SOX6: variants seen among roughly 807,000 people sequenced by gnomAD.
SOX6 encodes the protein transcription factor SOX-6.
SOX6 carries 11 observed loss-of-function variants against 97.8 expected under a neutral mutation model. That is an observed-to-expected ratio of 0.11 (90% confidence interval 0.07 to 0.19). The LOEUF (loss-of-function observed/expected upper bound fraction) is 0.19. SOX6 is among the 10% of genes least tolerant of loss of function. SOX6 has a pLI of 1.00. For missense variants in SOX6, 810 were observed against 1,039.5 expected (o/e 0.78, Z 3.04); for synonymous variants, 360 against 371.4 (o/e 0.97, Z 0.35).
intron 2 of SOX6, among the ~76,000 whole-genome samples, chr11:16,726,904 T>C (rs1848310428): frequency 6.6e-6 from 1 of 152,222 alleles, no homozygotes; most frequent in South Asian, 2.1e-4. Flanking sequence ...TACTAAGTGA[T>C]TTTATTTCCT....
At chr11:16,328,211 G>T (rs920482020) in intron 2 of SOX6, among the ~76,000 whole-genome samples, 1 of 151,962 alleles carries the variant, frequency 6.6e-6, no homozygotes, top group Non-Finnish European at 1.5e-5. Flanking sequence ...CCCTAAAATA[G>T]GTCCAAATAT....
intron 12 of SOX6, among the ~76,000 whole-genome samples, chr11:16,016,625 G>A (rs534858956): frequency 2.0e-5 from 3 of 152,154 alleles, no homozygotes; most frequent in South Asian, 2.1e-4. Flanking sequence ...AGCTTCAGAC[G>A]CAGTCAGGGA....
chr11:16,001,807 G>A (rs1188060486), intron 13 of SOX6, among the ~76,000 whole-genome samples: 4 of 152,112 alleles, frequency 2.6e-5, no homozygotes, highest in African/African-American at 4.8e-5. Flanking sequence ...CTTGGTTACA[G>A]GATTATGAGC....
chr11:16,730,845 C>T (rs1199661505), intron 2 of SOX6, among the ~76,000 whole-genome samples: 1 of 151,924 alleles, frequency 6.6e-6, no homozygotes, highest in East Asian at 1.9e-4. Flanking sequence ...ACAGATAGAC[C>T]ACTAGCCAGA....
At chr11:16,490,369 T>C (rs527516129) in intron 4 of SOX6, among the ~76,000 whole-genome samples, 2 of 152,168 alleles carry the variant, frequency 1.3e-5, no homozygotes, top group East Asian at 3.9e-4. Flanking sequence ...CCCCTAGGTA[T>C]ACTCCTTTAA....
At chr11:16,604,408 G>T (rs1848308119) in intron 4 of SOX6, among the ~76,000 whole-genome samples, 1 of 152,192 alleles carries the variant, frequency 6.6e-6, no homozygotes, top group Admixed American at 6.5e-5. Flanking sequence ...ACCAGAAAGG[G>T]CAGGAGAGAG....
chr11:16,216,478 A>G (rs1457359143), intron 4 of SOX6, among the ~76,000 whole-genome samples: 1 of 152,118 alleles, frequency 6.6e-6, no homozygotes, highest in Non-Finnish European at 1.5e-5. Flanking sequence ...GTCAACCACA[A>G]TAAGAATCAG....
chr11:16,575,645 T>C (rs1847980002), intron 4 of SOX6, among the ~76,000 whole-genome samples: 2 of 152,154 alleles, frequency 1.3e-5, no homozygotes, highest in Non-Finnish European at 2.9e-5. Context: ...TCCATTTATA[T>C]AATGCATAAA....
intron 15 of SOX6, among the ~76,000 whole-genome samples, chr11:15,973,732 C>A (rs1206144980): frequency 2.0e-5 from 3 of 152,092 alleles, no homozygotes; most frequent in Non-Finnish European, 4.4e-5. Flanking sequence ...TGGGCTGGAA[C>A]TGGGGTTGGG....
intron 3 of SOX6, among the ~76,000 whole-genome samples, chr11:16,699,788 G>C (rs1397511064): frequency 1.3e-5 from 2 of 152,092 alleles, no homozygotes; most frequent in Non-Finnish European, 2.9e-5. Flanking sequence ...TGCTATAATT[G>C]CTGTCCTATA....
chr11:16,355,536 C>T (rs1027656952), intron 1 of SOX6, among the ~76,000 whole-genome samples: 9 of 152,054 alleles, frequency 5.9e-5, no homozygotes, highest in African/African-American at 2.2e-4. Flanking sequence ...AGCTTATGAA[C>T]ATTAATAATT....
At chr11:16,653,560 G>C (rs1476712833) in intron 3 of SOX6, among the ~76,000 whole-genome samples, 2 of 152,158 alleles carry the variant, frequency 1.3e-5, no homozygotes, top group South Asian at 4.1e-4. Flanking sequence ...TCATAAGTGG[G>C]AAATAAGCTA....
Position 16,472,591 on chromosome 11 carries a change from TAG to T in SOX6, c.-5+3722_-5+3723del, listed in dbSNP as rs543620703. Among the ~76,000 whole-genome samples the T allele has an allele frequency of 1.1e-4, 16 of 152,278 alleles. No homozygotes were observed. In the East Asian group the frequency reaches 1.9e-3, roughly 18 times the overall value. Reference sequence around the variant, plus strand: ...CTAAAAATAATAAAATGTAAATTGATAGAGTTTCATAAAATAACAATTTATTA... The same window carrying T: ...CTAAAAATAATAAAATGTAAATTGATAGTTTCATAAAATAACAATTTATTA... On this transcript the variant is annotated intron_variant, in intron 1 of 15. Transcript: ENST00000396356.
intron 1 of SOX6, among the ~76,000 whole-genome samples, chr11:16,417,972 C>CA (rs1332418784): frequency 1.3e-5 from 2 of 152,194 alleles, no homozygotes; most frequent in African/African-American, 4.8e-5. Flanking sequence ...CCTGATGCTA[C>CA]AGCTTTTAAA....
chr11:16,233,867 C>T (rs760296477), intron 4 of SOX6, among the ~76,000 whole-genome samples: 1 of 151,700 alleles, frequency 6.6e-6, no homozygotes, highest in Non-Finnish European at 1.5e-5. Context: ...ATTAACTGGG[C>T]GTGGTGGTGC....
At chr11:16,396,736 T>C (rs921758901) in intron 1 of SOX6, among the ~76,000 whole-genome samples, 2 of 151,610 alleles carry the variant, frequency 1.3e-5, no homozygotes, top group Non-Finnish European at 3.0e-5. Context: ...TGAAGTAATT[T>C]ATGCAAAATC....
At chr11:16,150,389 G>C (rs1010808755) in intron 6 of SOX6, among the ~76,000 whole-genome samples, 5 of 152,150 alleles carry the variant, frequency 3.3e-5, no homozygotes, top group African/African-American at 1.2e-4. Flanking sequence ...CTACTTCACA[G>C]AAGCCACTTT....
intron 1 of SOX6, among the ~76,000 whole-genome samples, chr11:16,467,488 A>T (rs1443765993): frequency 1.3e-5 from 2 of 152,208 alleles, no homozygotes; most frequent in African/African-American, 4.8e-5. Context: ...CCTTTGCAGG[A>T]CATGGATGGA....
chr11:16,420,456 T>G (rs569842572), intron 1 of SOX6, among the ~76,000 whole-genome samples: 1 of 152,264 alleles, frequency 6.6e-6, no homozygotes, highest in Non-Finnish European at 1.5e-5. Flanking sequence ...ACATTGAAGC[T>G]GACATTTAAA....
Sources: gnomAD v4.1 joint callset for allele counts (sites outside exome capture counted in the v4.1 genomes callset) on GRCh38, gnomAD v4.1.1 for gene constraint, MANE v1.5 for transcripts, NCBI Gene and HGNC (gene_info 2026-07-23, HGNC 2026-07-21) for gene names.